The following ATRX variants were observed in gnomAD, a reference collection of about 807,000 sequenced individuals.
The protein encoded by ATRX is ATRX chromatin remodeler, also known as chromatin remodeler ATRX.
In ATRX, 12 loss-of-function variants were observed where a neutral mutation model predicts 172.6. The ratio of observed to expected loss-of-function variants is 0.07; its 90% CI spans 0.04 to 0.11. The LOEUF is 0.11. Among genes scored for constraint, ATRX ranks in the 10% least tolerant of loss-of-function variants. ATRX has a pLI of 1.00. For missense variants in ATRX, 1,368 were observed against 1,767.4 expected (o/e 0.77, Z 4.05); for synonymous variants, 674 against 594.7 (o/e 1.13, Z -1.94).
At chrX:77,648,235 G>C (rs924105182) in intron 15 of ATRX, among the ~76,000 whole-genome samples, 1 of 111,639 alleles carries the variant, frequency 9.0e-6, no homozygotes, top group Non-Finnish European at 1.9e-5. Flanking sequence ...TAAAACTACA[G>C]AAGATGTGAA....
chrX:77,660,901 T>C (rs1187321514), intron 12 of ATRX, among the ~76,000 whole-genome samples: 1 of 111,774 alleles, frequency 8.9e-6, no homozygotes, highest in Non-Finnish European at 1.9e-5. Context: ...ATTGTAGACT[T>C]TTCCCTTTCA....
chrX:77,634,819 T>C, intron 16 of ATRX, 116 bp from the exon 17 acceptor site: 1 of 615,415 alleles, frequency 1.6e-6, no homozygotes, highest in Admixed American at 2.8e-5. Context: ...AAAAAACACT[T>C]AGCTAAATAA....
At position 77,728,767 on chromosome X, in the gene ATRX, T is replaced by TTC. The variant is rs1332867120; in HGVS notation, c.21-11525_21-11524insGA. Reference sequence around the variant, plus strand: ...AGTATTTCTTTTCTTTTCTTTTCTTTTTTTTTTTTTGAGTTGGAGTCTTGC... The same window carrying TTC: ...AGTATTTCTTTTCTTTTCTTTTCTTTTCTTTTTTTTTTGAGTTGGAGTCTTGC... On this transcript the variant is annotated intron_variant, in intron 1 of 34. Coordinates refer to ENST00000373344, the MANE Select transcript of ATRX (RefSeq NM_000489.6). 9.1e-4 allele frequency among the ~76,000 whole-genome samples: 96 copies of TTC among 105,745 alleles called. 1 individual carries two copies. The highest frequency in any genetic ancestry group is 3.2e-3 in the African/African-American group (94 of 29,241). 91.8% of individuals were successfully genotyped at this position (105,745 alleles called of 115,157 possible).
intron 6 of ATRX, among the ~76,000 whole-genome samples, chrX:77,692,569 T>C (rs1343292305): frequency 1.8e-5 from 2 of 112,064 alleles, no homozygotes; most frequent in African/African-American, 6.5e-5. Context: ...ATTTCACCAA[T>C]ATAAGAACTT....
At chrX:77,599,188 T>A (rs1557085538) in intron 25 of ATRX, among the ~76,000 whole-genome samples, 1 of 111,960 alleles carries the variant, frequency 8.9e-6, no homozygotes, top group Admixed American at 9.5e-5. Flanking sequence ...ACATTAGTTT[T>A]TCTTTTTACC....
At chrX:77,673,338 T>C (rs2070718354) in intron 10 of ATRX, among the ~76,000 whole-genome samples, 1 of 111,369 alleles carries the variant, frequency 9.0e-6, no homozygotes, top group South Asian at 3.7e-4. Flanking sequence ...TTCAAGTATA[T>C]TACTTTAAAA....
intron 34 of ATRX, among the ~76,000 whole-genome samples, chrX:77,516,578 A>C (rs1557039200): frequency 8.9e-6 from 1 of 112,000 alleles, no homozygotes; most frequent in African/African-American, 3.2e-5. Context: ...GGAGCACCAG[A>C]TATAAAAAGC....
rs2148594602 is a variant in ATRX at position 77,682,702 on chromosome X, C to A, written c.2554G>T (p.Asp852Tyr). The A allele has an allele frequency of 4.1e-6, 5 of 1,209,405 alleles. No individual in the cohort carries two copies. The highest frequency in any genetic ancestry group is 5.6e-6 in the Non-Finnish European group (5 of 895,173). The change falls in exon 9 of 35, where the codon GAT becomes TAT. Residue 852 changes from aspartate (D) to tyrosine (Y), a missense_variant. Transcript: ENST00000373344. ...PNTKDFDSSE[D>Y]EKHSKKGMDN... is the part of the protein sequence containing the mutation. ...ATTCCTTTTTTGCTGTGTTTCTCAT[C>A]TTCAGAAGAGTCAAAATCTTTTGTA...
At chrX:77,510,251 T>C (rs1468856962) in intron 34 of ATRX, among the ~76,000 whole-genome samples, 1 of 111,225 alleles carries the variant, frequency 9.0e-6, no homozygotes, top group Non-Finnish European at 1.9e-5. Context: ...ACATCTGTTG[T>C]CTGAAGAGCC....
intron 10 of ATRX, among the ~76,000 whole-genome samples, chrX:77,671,357 T>C (rs1033870369): frequency 9.5e-6 from 1 of 105,497 alleles, no homozygotes; most frequent in African/African-American, 3.4e-5. Flanking sequence ...TGTATCCTTT[T>C]TGGTGAGGGT....
chrX:77,638,587 T>C lies in ATRX; in HGVS notation c.4558-2531A>G, dbSNP rs2068509482. On this transcript the variant is annotated intron_variant, in intron 15 of 34. Coordinates refer to ENST00000373344, the MANE Select transcript of ATRX (RefSeq NM_000489.6). The stretch of plus-strand genomic sequence containing the variant: ...ATTTTGAAGCGAACACAAGAAAATA[T>C]GCAATGTCATCTATAAAATGTTTGT... 2.7e-5 allele frequency among the ~76,000 whole-genome samples: 3 copies of C among 113,038 alleles called. No individual in the cohort carries two copies. In the South Asian group the frequency reaches 1.1e-3, roughly 41 times the overall value.
At position 77,599,432 on chromosome X, in the gene ATRX, C is replaced by G. The variant is rs782773652; in HGVS notation, c.5935G>C (p.Val1979Leu). The change falls in exon 25 of 35, where the codon GTT becomes CTT. Residue 1979 changes from valine (V) to leucine (L), a missense_variant. Physicochemically the swap from Val to Leu is conservative, Grantham distance 32 (BLOSUM62 1). Transcript: ENST00000373344. The stretch of plus-strand genomic sequence containing the variant: ...TCACTTTCTTCCAGTTTTAAAGAAA[C>G]AGAAGGATTGTTTCCTGTTTCATCC... ...NVDETGNNPS[V>L]SLKLEESKAT... 2.1e-5 allele frequency: 25 copies of G among 1,208,673 alleles called. No homozygotes were observed. Among genetic ancestry groups the G allele is most frequent in the Non-Finnish European group, 2.8e-5 (25 of 894,734 alleles).
intron 19 of ATRX, among the ~76,000 whole-genome samples, chrX:77,624,105 G>A (rs781907293): frequency 1.7e-4 from 19 of 111,810 alleles, no homozygotes; most frequent in African/African-American, 4.2e-4. Context: ...GGTGGCTCAC[G>A]CCTGTAATCC....
intron 2 of ATRX, among the ~76,000 whole-genome samples, chrX:77,708,818 G>A (rs961791798): frequency 1.8e-5 from 2 of 112,250 alleles, no homozygotes; most frequent in Non-Finnish European, 3.8e-5. Flanking sequence ...TTGTACATAT[G>A]TGTAAATATT....
chrX:77,617,854 C>T (rs1378607736), intron 21 of ATRX, among the ~76,000 whole-genome samples: 1 of 109,725 alleles, frequency 9.1e-6, no homozygotes, highest in Non-Finnish European at 1.9e-5. Context: ...GTGACAGAGA[C>T]TATAGGTGCG....
intron 30 of ATRX, among the ~76,000 whole-genome samples, chrX:77,546,912 C>T (rs2064263394): frequency 8.9e-6 from 1 of 112,065 alleles, no homozygotes; most frequent in Non-Finnish European, 1.9e-5. Flanking sequence ...CACAAAAATT[C>T]ATTTGTTCAC....
At position 77,567,384 on chromosome X, in the gene ATRX, T is replaced by C. The variant is rs1338351324; in HGVS notation, c.6326+6866A>G. Among the ~76,000 whole-genome samples, 4 of 111,295 alleles carry C rather than the reference T, an allele frequency of 3.6e-5. No individual in the cohort carries two copies. The East Asian group carries it at 8.4e-4, about 24-fold the overall frequency. On this transcript the variant is annotated intron_variant, in intron 28 of 34. Coordinates refer to ENST00000373344, the MANE Select transcript of ATRX (RefSeq NM_000489.6). ...GAAACTCACTTCAAATACAACAACA[T>C]AGGTGAGTTGAAGTAAAAGGATGAA...
chrX:77,567,262 C>T (rs1473549298), intron 28 of ATRX, among the ~76,000 whole-genome samples: 2 of 111,534 alleles, frequency 1.8e-5, no homozygotes, highest in Non-Finnish European at 3.8e-5. Context: ...TGAAGCCTTA[C>T]ATTAAATATA....
At chrX:77,672,842 G>C (rs1557131706) in intron 10 of ATRX, among the ~76,000 whole-genome samples, 1 of 111,803 alleles carries the variant, frequency 8.9e-6, no homozygotes, top group African/African-American at 3.2e-5. Flanking sequence ...AGTCAAAGTT[G>C]TCAGGGAGAA....
Sources: allele counts gnomAD v4.1 joint callset (sites outside exome capture counted in the v4.1 genomes callset), GRCh38; gene constraint gnomAD v4.1.1; transcripts MANE v1.5; gene names NCBI Gene and HGNC (gene_info 2026-07-23, HGNC 2026-07-21).